Variants in AKAP6 observed in about 807,000 individuals in gnomAD.
AKAP6 encodes the protein A-kinase anchoring protein 6.
Under a neutral mutation model 188.5 loss-of-function variants are expected in AKAP6, and 58 were observed. The ratio of observed to expected loss-of-function variants is 0.31; its 90% confidence interval spans 0.25 to 0.38. The LOEUF (loss-of-function observed/expected upper bound fraction) is 0.38. Among genes scored for constraint, AKAP6 ranks in the 10% least tolerant of loss-of-function variants. The probability of loss-of-function intolerance (pLI) is 1.00; values close to 1 mark genes in which losing one functional copy is unlikely to be tolerated. For synonymous variants in AKAP6, 989 were observed against 998.6 expected (o/e 0.99, Z 0.18); for missense variants, 2,710 against 2,740.0 (o/e 0.99, Z 0.24).
intron 1 of AKAP6, among the ~76,000 whole-genome samples, chr14:32,395,566 T>G (rs1361543289): frequency 6.6e-6 from 1 of 152,194 alleles, no homozygotes; most frequent in African/African-American, 2.4e-5. Context: ...AGTCAATAAA[T>G]GTTCTCACTT....
rs190222782 is a variant in AKAP6 at position 32,630,928 on chromosome 14, T to A, written c.2730+30136T>A. ...TCAGCAGATATTCTTCTGGCTTCTT[T>A]TGTAGCCATTACAGCATTCTGATGT... On this transcript the variant is annotated intron_variant, in intron 7 of 13. Coordinates refer to ENST00000280979, the MANE Select transcript of AKAP6 (RefSeq NM_004274.5). 3.2e-3 allele frequency among the ~76,000 whole-genome samples: 494 copies of A among 152,216 alleles called. 2 individuals are homozygous for A. The highest frequency in any genetic ancestry group is 0.011 in the African/African-American group (448 of 41,570).
At chr14:32,715,829 T>C (rs1309027793) in intron 9 of AKAP6, among the ~76,000 whole-genome samples, 2 of 151,940 alleles carry the variant, frequency 1.3e-5, no homozygotes, top group Non-Finnish European at 2.9e-5. Context: ...TGAAGAGAAG[T>C]TATATATACA....
At chr14:32,570,172 C>T (rs561583440) in intron 4 of AKAP6, among the ~76,000 whole-genome samples, 5 of 132,390 alleles carry the variant, frequency 3.8e-5, no homozygotes, top group African/African-American at 1.1e-4. Flanking sequence ...GTCTCTGTCA[C>T]CAAACCGGAG....
chr14:32,798,775 A>G (rs1393594474), intron 12 of AKAP6, among the ~76,000 whole-genome samples: 3 of 152,270 alleles, frequency 2.0e-5, no homozygotes, highest in Non-Finnish European at 2.9e-5. Flanking sequence ...CAGGTACTGT[A>G]CTTATTACCT....
Position 32,659,235 on chromosome 14 carries a change from G to A in AKAP6, c.2731-19076G>A, listed in dbSNP as rs17099421. 4.3e-3 allele frequency among the ~76,000 whole-genome samples: 659 copies of A among 152,206 alleles called. 39 individuals carry two copies. In the East Asian group the frequency reaches 0.11, roughly 24 times the overall value. On this transcript the variant is annotated intron_variant, in intron 7 of 13. Coordinates refer to ENST00000280979, the MANE Select transcript of AKAP6 (RefSeq NM_004274.5). ...ATTGCTTTTCAAATAAAAGATTGGCGTTTTCATTAATTTCTGTTAAATCTA... is the reference window on the plus strand; with the variant it reads ...ATTGCTTTTCAAATAAAAGATTGGCATTTTCATTAATTTCTGTTAAATCTA...
rs75495666 is a variant in AKAP6, at chr14:32,774,962, A to G, written c.3588+1069A>G. ...CTTGGGACTGGGAACAGAAGGGACA[A>G]TGAATCAGCAAGCCATCTAATTCTT... On this transcript the variant is annotated intron_variant, in intron 12 of 13. Transcript: ENST00000280979. Among the ~76,000 whole-genome samples, 475 of 152,314 alleles carry G rather than the reference A, an allele frequency of 3.1e-3. 2 individuals carry two copies. Among genetic ancestry groups the G allele is most frequent in the African/African-American group, 0.011 (443 of 41,562 alleles).
chr14:32,466,754 AG>A (rs1302503950), intron 2 of AKAP6, among the ~76,000 whole-genome samples: 12 of 146,908 alleles, frequency 8.2e-5, no homozygotes, highest in African/African-American at 2.8e-4. Context: ...AAAAAAAAAA[AG>A]AGATATATTA....
At chr14:32,722,917 G>T (rs1211410490) in intron 9 of AKAP6, among the ~76,000 whole-genome samples, 1 of 152,170 alleles carries the variant, frequency 6.6e-6, no homozygotes, top group Non-Finnish European at 1.5e-5. Flanking sequence ...CACCATCCAT[G>T]GATGGCAAAT....
At chr14:32,810,090 C>A (rs2034186277) in intron 12 of AKAP6, among the ~76,000 whole-genome samples, 1 of 152,124 alleles carries the variant, frequency 6.6e-6, no homozygotes, top group Admixed American at 6.5e-5. Flanking sequence ...TAATCAACTC[C>A]ACTAGCAGGT....
At chr14:32,691,100 A>C (rs897542665) in intron 8 of AKAP6, among the ~76,000 whole-genome samples, 2 of 152,176 alleles carry the variant, frequency 1.3e-5, no homozygotes, top group Non-Finnish European at 2.9e-5. Flanking sequence ...TTTATGAGGA[A>C]AGTCCCTCCA....
At chr14:32,680,387 C>A (rs1889626167) in intron 8 of AKAP6, among the ~76,000 whole-genome samples, 1 of 152,180 alleles carries the variant, frequency 6.6e-6, no homozygotes, top group Non-Finnish European at 1.5e-5. Context: ...TTCCCACAGT[C>A]AAATCCTTAA....
rs546662582 is a variant in AKAP6, at chr14:32,488,810, C to T, written c.325-46744C>T. 7.2e-5 allele frequency among the ~76,000 whole-genome samples: 11 copies of T among 152,278 alleles called. No homozygotes were observed. The South Asian group carries it at 2.3e-3, about 32-fold the overall frequency. On this transcript the variant is annotated intron_variant, in intron 2 of 13. Transcript: ENST00000280979. ...GCTTCCCAGGTGAGGCGACACCCCA[C>T]CCTGCTTCTGCTCCCCTTGGTGGGC... is the stretch of plus-strand genomic sequence containing the variant.
chr14:32,589,471 G>T (rs1409984613), intron 5 of AKAP6, among the ~76,000 whole-genome samples: 1 of 152,176 alleles, frequency 6.6e-6, no homozygotes, highest in Non-Finnish European at 1.5e-5. Flanking sequence ...GAATGGTAGC[G>T]TAGGAGGCTC....
At chr14:32,685,490 C>T (rs550588045) in intron 8 of AKAP6, among the ~76,000 whole-genome samples, 15 of 151,774 alleles carry the variant, frequency 9.9e-5, no homozygotes, top group African/African-American at 3.1e-4. Context: ...TTTGGGAGGC[C>T]GAGGCGGGCG....
intron 7 of AKAP6, among the ~76,000 whole-genome samples, chr14:32,659,205 A>G (rs1296055165): frequency 6.6e-6 from 1 of 152,112 alleles, no homozygotes; most frequent in Non-Finnish European, 1.5e-5. Context: ...GCTGTTTGAG[A>G]TCTTATTGCT....
chr14:32,497,945 A>G (rs749253177), intron 2 of AKAP6, among the ~76,000 whole-genome samples: 2 of 152,052 alleles, frequency 1.3e-5, no homozygotes, highest in Non-Finnish European at 2.9e-5. Context: ...TCTCATGTCA[A>G]TATAGCCATT....
chr14:32,383,134 TC>T, intron 1 of AKAP6, among the ~76,000 whole-genome samples: 3 of 148,808 alleles, frequency 2.0e-5, no homozygotes, highest in African/African-American at 7.4e-5. Context: ...TGTGTGTGTT[TC>T]TGTCCCAGTG....
chr14:32,404,691 G>GATAGAGATATATATATATAT lies in AKAP6; in HGVS notation c.-34-28766_-34-28765insGAGATATATATATATATATA. On this transcript the variant is annotated intron_variant, in intron 1 of 13. Transcript: ENST00000280979. ...AGAGTGGGGTTATGAGGAGTCAGGA[G>GATAGAGATATATATATATAT]ATATATATATATATATATATTAGTC... is the stretch of plus-strand genomic sequence containing the variant. 4.5e-5 allele frequency among the ~76,000 whole-genome samples: 2 copies of GATAGAGATATATATATATAT among 44,438 alleles called. 1 individual carries two copies. Among genetic ancestry groups the GATAGAGATATATATATATAT allele is most frequent in the Non-Finnish European group, 9.2e-5 (2 of 21,780 alleles). The allele number at this position is 44,438 out of a possible 152,430, so 29.2% of individuals were successfully genotyped here. A position where few individuals can be genotyped will look rare whatever the true frequency, so the allele number is the denominator to read the frequency against.
chr14:32,716,060 G>A (rs988844090), intron 9 of AKAP6, among the ~76,000 whole-genome samples: 5 of 151,860 alleles, frequency 3.3e-5, no homozygotes, highest in African/African-American at 4.8e-5. Context: ...AGCAACTAAG[G>A]CACAGGGAAG....
Sources: gnomAD v4.1 joint callset for allele counts (sites outside exome capture counted in the v4.1 genomes callset) on GRCh38, gnomAD v4.1.1 for gene constraint, MANE v1.5 for transcripts, NCBI Gene and HGNC (gene_info 2026-07-23, HGNC 2026-07-21) for gene names.